RAB37: variants seen among roughly 807,000 people sequenced by gnomAD.
The protein encoded by RAB37 is ras-related protein Rab-37.
In RAB37, 29 loss-of-function variants were observed where a neutral mutation model predicts 33.1. That is an observed-to-expected ratio of 0.88 (90% CI 0.65 to 1.20). The LOEUF (loss-of-function observed/expected upper bound fraction) is 1.20, where lower values mean the gene tolerates loss of function less well. RAB37 is among the 50% of genes most tolerant of loss of function. RAB37 has a pLI of 0.00. For missense variants in RAB37, 299 were observed against 301.1 expected (o/e 0.99, Z 0.05); for synonymous variants, 128 against 119.5 (o/e 1.07, Z -0.47).
chr17:74,732,430 T>G (rs1393371030), upstream of RAB37, among the ~76,000 whole-genome samples: 3 of 148,728 alleles, frequency 2.0e-5, no homozygotes, highest in East Asian at 5.9e-4. Context: ...TCGACCTGGA[T>G]AGCAGGGAGT....
chr17:74,713,012 G>T, intron 1 of RAB37: 4 of 847,866 alleles, frequency 4.7e-6, no homozygotes, highest in East Asian at 2.7e-5. Flanking sequence ...ACTAAAAGAG[G>T]AAGGAGGTGG....
intron 1 of RAB37, among the ~76,000 whole-genome samples, chr17:74,703,626 GC>G (rs1239293244): frequency 6.6e-6 from 1 of 152,202 alleles, no homozygotes; most frequent in African/African-American, 2.4e-5. Context: ...TGATGGGGAT[GC>G]CCCCTTCTCA....
chr17:74,735,162 AGAAGGAAGGAAGGGAGGGAGGGAG>A (rs1195000456), upstream of RAB37, among the ~76,000 whole-genome samples: 6 of 139,522 alleles, frequency 4.3e-5, no homozygotes, highest in Admixed American at 7.1e-5. Context: ...AAAGAAGGAA[AGAAGGAAGGAAGGGAGGGAGGGAG>A]GAAGGAAGGA....
chr17:74,698,024 A>G (rs2032667821), intron 1 of RAB37, among the ~76,000 whole-genome samples: 1 of 151,942 alleles, frequency 6.6e-6, no homozygotes, highest in Middle Eastern at 3.2e-3. Context: ...CATAGACCCA[A>G]CTCTAGCGTC....
rs1479304584 is a variant in RAB37 at position 74,730,055 on chromosome 17, G to C, written c.183+689G>C. Among the ~76,000 whole-genome samples the C allele has an allele frequency of 6.6e-6, 1 of 152,154 alleles. No individual in the cohort carries two copies. Among genetic ancestry groups the C allele is most frequent in the Non-Finnish European group, 1.5e-5 (1 of 68,026 alleles). On this transcript the variant is annotated intron_variant, in intron 2 of 7. Coordinates refer to the RAB37 transcript ENST00000340415. This position sits in a 1 kb window ranked among gnomAD's most constrained non-coding sequence, Gnocchi z 4.4. ...TGCCCGCAGCCCCTCTGCGAGACAA[G>C]GGATCCCTCCTTTACCACACATCCC...
rs1444284872 is a variant in RAB37 at position 74,671,417 on chromosome 17, G to C, written c.-170G>C. ...GAAGAACGTGGCCGCCTGCCCGCCT[G>C]GTACCGCGCCGCGGCCGCTGCGGGG... is the stretch of plus-strand genomic sequence containing the variant. On this transcript the variant is annotated 5_prime_UTR_variant, in exon 1 of 8. Transcript: ENST00000340415. The surrounding 1 kb of genome is among the most constrained non-coding windows in gnomAD (Gnocchi z 5.0). 97 of 619,902 alleles carry C rather than the reference G, an allele frequency of 1.6e-4. No individual in the cohort carries two copies. In the East Asian group the frequency reaches 2.7e-3, roughly 17 times the overall value. The allele number at this position is 619,902 out of a possible 1,614,324, so 38.4% of individuals were successfully genotyped here. A position where few individuals can be genotyped will look rare whatever the true frequency, so the allele number is the denominator to read the frequency against.
chr17:74,682,079 C>T (rs909359644), intron 1 of RAB37, among the ~76,000 whole-genome samples: 1 of 152,214 alleles, frequency 6.6e-6, no homozygotes, highest in Non-Finnish European at 1.5e-5. Context: ...TTGCAGAAAA[C>T]TTGCATATAA....
At position 74,729,621 on chromosome 17, in the gene RAB37, A is replaced by T. The variant is rs1162491134; in HGVS notation, c.183+255A>T. Among the ~76,000 whole-genome samples, 1 of 151,948 alleles carries T rather than the reference A, an allele frequency of 6.6e-6. No homozygotes were observed. Among genetic ancestry groups the T allele is most frequent in the African/African-American group, 2.4e-5 (1 of 41,374 alleles). On this transcript the variant is annotated intron_variant, in intron 2 of 7. Transcript: ENST00000340415. The surrounding 1 kb of genome is among the most constrained non-coding windows in gnomAD (Gnocchi z 4.2). ...AAGGCACCCTCACCAGAACCCAGGG[A>T]CAAAGCAGGCTGCTGGGTGAGCTGC...
chr17:74,673,224 T>C (rs2031745070), intron 1 of RAB37, among the ~76,000 whole-genome samples: 1 of 151,676 alleles, frequency 6.6e-6, no homozygotes, highest in Non-Finnish European at 1.5e-5. Context: ...GCCAACATGG[T>C]AAAATCTGTC....
intron 1 of RAB37, among the ~76,000 whole-genome samples, chr17:74,675,285 A>G (rs1228580738): frequency 6.6e-6 from 1 of 151,978 alleles, no homozygotes; most frequent in Non-Finnish European, 1.5e-5. Flanking sequence ...AAATACAAAA[A>G]TTAGCCGGGG....
intron 1 of RAB37, among the ~76,000 whole-genome samples, chr17:74,728,652 T>C (rs2034339692): frequency 6.6e-6 from 1 of 151,884 alleles, no homozygotes; most frequent in Non-Finnish European, 1.5e-5. Context: ...TATGTATATG[T>C]GTGCTCTGTG....
At chr17:74,678,377 G>A (rs571661031) in intron 1 of RAB37, among the ~76,000 whole-genome samples, 3 of 152,298 alleles carry the variant, frequency 2.0e-5, no homozygotes, top group African/African-American at 7.2e-5. Context: ...GAGTGGTGCA[G>A]TGAAAATAAC....
intron 1 of RAB37, among the ~76,000 whole-genome samples, chr17:74,737,746 T>C (rs1203596877): frequency 6.6e-6 from 1 of 152,160 alleles, no homozygotes. Flanking sequence ...GGACGTCCCC[T>C]GCTGGCAGAG....
At chr17:74,692,860 T>C (rs1327331677) in intron 1 of RAB37, among the ~76,000 whole-genome samples, 1 of 152,228 alleles carries the variant, frequency 6.6e-6, no homozygotes, top group Non-Finnish European at 1.5e-5. Context: ...CTCTGAGAGA[T>C]GCCTTCTACT....
upstream of RAB37, among the ~76,000 whole-genome samples, chr17:74,734,942 A>C (rs904920642): frequency 1.7e-5 from 2 of 116,462 alleles, no homozygotes; most frequent in African/African-American, 8.4e-5. Context: ...AAGAGAAAGA[A>C]AGAAAGAGAG....
intron 1 of RAB37, among the ~76,000 whole-genome samples, chr17:74,685,744 A>T (rs960980201): frequency 3.3e-5 from 5 of 152,078 alleles, no homozygotes; most frequent in African/African-American, 9.7e-5. Flanking sequence ...TTTATCACTG[A>T]CCTCCAGAAA....
chr17:74,705,395 C>T (rs1459598240), intron 1 of RAB37: 1 of 539,748 alleles, frequency 1.9e-6, no homozygotes, highest in Non-Finnish European at 3.4e-6. Context: ...ATCCATACAA[C>T]ACAGATCCCA....
At chr17:74,723,100 G>A (rs548529608) in intron 1 of RAB37, among the ~76,000 whole-genome samples, 48 of 152,278 alleles carry the variant, frequency 3.2e-4, no homozygotes, top group African/African-American at 1.0e-3. Context: ...TGCGTCTTCC[G>A]CAAAGTTGCA....
rs140622906 is a variant in RAB37 at position 74,717,922 on chromosome 17, C to T, written c.73-11334C>T. 3.3e-3 allele frequency among the ~76,000 whole-genome samples: 495 copies of T among 152,222 alleles called. 1 individual carries two copies. Among genetic ancestry groups the T allele is most frequent in the Non-Finnish European group, 5.2e-3 (356 of 68,012 alleles). On this transcript the variant is annotated intron_variant, in intron 1 of 7. Transcript: ENST00000340415. Reference sequence around the variant, plus strand: ...GAGTCCTCCCTGAGGAGTGGGTCCTCACCAGATCCTGAGCCTACCAGTGCC... The same window carrying T: ...GAGTCCTCCCTGAGGAGTGGGTCCTTACCAGATCCTGAGCCTACCAGTGCC...
Sources: allele counts gnomAD v4.1 joint callset (sites outside exome capture counted in the v4.1 genomes callset), GRCh38; gene constraint gnomAD v4.1.1; non-coding constraint Gnocchi (gnomAD v3.1); transcripts MANE v1.5; gene names NCBI Gene and HGNC (gene_info 2026-07-23, HGNC 2026-07-21).